Variants in KATNIP observed in about 807,000 individuals in gnomAD.
The protein encoded by KATNIP is katanin-interacting protein.
In KATNIP, 126 loss-of-function variants were observed where a neutral mutation model predicts 174.0. That is an observed-to-expected ratio of 0.72 (90% CI 0.63 to 0.84). KATNIP has a LOEUF of 0.84. Among genes scored for constraint, KATNIP ranks in the 40% least tolerant of loss-of-function variants. The probability of loss-of-function intolerance (pLI) is 0.00; values close to 1 mark genes in which losing one functional copy is unlikely to be tolerated. For synonymous variants in KATNIP, 810 were observed against 835.7 expected, an observed-to-expected ratio of 0.97 and a Z score of 0.53; for missense variants, 1,958 against 2,109.7, an observed-to-expected ratio of 0.93 and a Z score of 1.41.
chr16:27,710,275 T>G (rs1453721600), intron 13 of KATNIP, among the ~76,000 whole-genome samples: 1 of 152,064 alleles, frequency 6.6e-6, no homozygotes, highest in African/African-American at 2.4e-5. Context: ...GGAGAGTCGC[T>G]TGAACCTGGG....
chr16:27,700,801 G>T (rs2079069395), intron 10 of KATNIP, among the ~76,000 whole-genome samples: 1 of 152,222 alleles, frequency 6.6e-6, no homozygotes, highest in South Asian at 2.1e-4. Context: ...GGGTGTGCAT[G>T]TGACACCCCA....
chr16:27,681,358 T>C (rs2142810801), intron 7 of KATNIP, 41 bp from the exon 8 acceptor site: 1 of 1,612,052 alleles, frequency 6.2e-7, no homozygotes, highest in South Asian at 1.1e-5. Flanking sequence ...CCCAACTTGC[T>C]TGCGCTCAGC....
intron 3 of KATNIP, among the ~76,000 whole-genome samples, chr16:27,626,981 G>C (rs902126285): frequency 3.4e-5 from 5 of 148,670 alleles, no homozygotes; most frequent in African/African-American, 1.2e-4. Context: ...AAAAAAAAAA[G>C]TGGTTACCCT....
chr16:27,551,787 G>C (rs772922063), intron 1 of KATNIP, among the ~76,000 whole-genome samples: 45 of 152,206 alleles, frequency 3.0e-4, no homozygotes, highest in Non-Finnish European at 5.3e-4. Context: ...TGAGGCAGGA[G>C]AATCATTTGA....
At position 27,628,832 on chromosome 16, in the gene KATNIP, T is replaced by C. The variant is rs1393353896; in HGVS notation, c.310+2T>C. On this transcript the variant is annotated splice_donor_variant, in intron 4 of 27. Transcript: ENST00000261588. LOFTEE classifies it high-confidence loss of function. ...CCTCCCACACGGAGGGGACACACGG[T>C]GAGCACAGGCCCTCCAGGCTGAGTC... 3 of 1,613,956 alleles carry C rather than the reference T, an allele frequency of 1.9e-6. No homozygotes were observed. Among genetic ancestry groups the C allele is most frequent in the Non-Finnish European group, 1.7e-6 (2 of 1,179,972 alleles).
rs1461355601 is a variant in KATNIP, at chr16:27,661,961, TAC to T, written c.540+13228_540+13229del. On this transcript the variant is annotated intron_variant, in intron 6 of 27. Transcript: ENST00000261588. ...ATATATATATATATATATATACACATACATATATATATATATATATATATACA... is the reference window on the plus strand; with the variant it reads ...ATATATATATATATATATATACACATATATATATATATATATATATATACA... 3.3e-4 allele frequency among the ~76,000 whole-genome samples: 10 copies of T among 30,562 alleles called. 1 individual carries two copies. The highest frequency in any genetic ancestry group is 1.5e-3 in the African/African-American group (9 of 6,130). The allele number at this position is 30,562 out of a possible 152,430, so 20.0% of individuals were successfully genotyped here. A position where few individuals can be genotyped will look rare whatever the true frequency, so the allele number is the denominator to read the frequency against.
chr16:27,584,414 A>G (rs1283614751), intron 2 of KATNIP, among the ~76,000 whole-genome samples: 1 of 152,154 alleles, frequency 6.6e-6, no homozygotes, highest in Non-Finnish European at 1.5e-5. Flanking sequence ...CTGGTGCCAG[A>G]AAAAGGGGGA....
intron 14 of KATNIP, 52 bp from the exon 15 acceptor site, chr16:27,739,989 T>C: frequency 6.5e-7 from 1 of 1,535,012 alleles, no homozygotes. Context: ...CAAAATTTCA[T>C]ACATCAGTCT....
intron 3 of KATNIP, among the ~76,000 whole-genome samples, chr16:27,623,054 T>C (rs1458642903): frequency 6.6e-6 from 1 of 152,048 alleles, no homozygotes; most frequent in Non-Finnish European, 1.5e-5. Flanking sequence ...GCAGGCTTCT[T>C]TTTACACCCC....
At chr16:27,769,029 C>T (rs1028572468) in intron 20 of KATNIP, among the ~76,000 whole-genome samples, 1 of 152,262 alleles carries the variant, frequency 6.6e-6, no homozygotes, top group African/African-American at 2.4e-5. Context: ...GCTGGGCCGC[C>T]TCAGACTCTA....
chr16:27,668,077 G>A (rs181959942), intron 6 of KATNIP, among the ~76,000 whole-genome samples: 26 of 152,222 alleles, frequency 1.7e-4, no homozygotes, highest in Middle Eastern at 6.8e-3. Flanking sequence ...AACCTCTTAC[G>A]GGCAGGTTTA....
In KATNIP at chr16:27,749,692, G is replaced by A. The variant is rs777090605; in HGVS notation, c.2732G>A (p.Arg911Gln). The A allele has an allele frequency of 1.7e-5, 28 of 1,613,324 alleles. No individual in the cohort carries two copies. The highest frequency in any genetic ancestry group is 6.7e-5 in the East Asian group (3 of 44,872). The change falls in exon 16 of 28, where the codon CGG becomes CAG. Residue 911 changes from arginine (R) to glutamine (Q), a missense_variant. Physicochemically the swap from Arg to Gln is conservative, Grantham distance 43. Coordinates refer to ENST00000261588, the MANE Select transcript of KATNIP (RefSeq NM_015202.5). ...CTCAGTGCCTTCGACCGCTCCCACC[G>A]GGGACGCATCTCCAACACGGAGCTC... ...SSLSAFDRSH[R>Q]GRISNTELPG...
chr16:27,771,570 T>C lies in KATNIP; in HGVS notation c.4134-18T>C. 1.2e-6 allele frequency: 2 copies of C among 1,611,532 alleles called. No homozygotes were observed. The highest frequency in any genetic ancestry group is 1.7e-6 in the Non-Finnish European group (2 of 1,178,464). ...GCCGTCGTGAGCTTCTTCATGGTGC[T>C]GTTTTGTGCTTTTTCAGGCTGGACA... On this transcript the variant is annotated intron_variant, in intron 21 of 27. Coordinates refer to ENST00000261588, the MANE Select transcript of KATNIP (RefSeq NM_015202.5).
intron 13 of KATNIP, among the ~76,000 whole-genome samples, chr16:27,713,809 C>CATATGT (rs2079766757): frequency 3.0e-5 from 1 of 33,346 alleles, no homozygotes; most frequent in Non-Finnish European, 6.2e-5. Context: ...TGTGTATATA[C>CATATGT]ATATATATAT....
chr16:27,581,616 G>T (rs981858940), intron 2 of KATNIP, among the ~76,000 whole-genome samples: 1 of 152,098 alleles, frequency 6.6e-6, no homozygotes, highest in Non-Finnish European at 1.5e-5. Context: ...CATAGGTTTG[G>T]GGGGAACCGG....
chr16:27,752,879 A>C (rs1393541007), intron 17 of KATNIP, among the ~76,000 whole-genome samples: 7 of 152,242 alleles, frequency 4.6e-5, no homozygotes, highest in Admixed American at 4.6e-4. Flanking sequence ...TTAAAATGAA[A>C]GATGACCTTC....
chr16:27,671,637 G>A (rs1034241128), intron 6 of KATNIP, among the ~76,000 whole-genome samples: 2 of 152,160 alleles, frequency 1.3e-5, no homozygotes, highest in African/African-American at 4.8e-5. Context: ...CCTCCTCCCT[G>A]TCCCCACCTC....
intron 12 of KATNIP, among the ~76,000 whole-genome samples, chr16:27,705,375 G>A (rs1231074032): frequency 6.6e-6 from 1 of 152,166 alleles, no homozygotes; most frequent in African/African-American, 2.4e-5. Flanking sequence ...AAAATCCTAT[G>A]AGAGCAGAAA....
chr16:27,724,691 C>T (rs1282426619), intron 14 of KATNIP, among the ~76,000 whole-genome samples: 1 of 152,164 alleles, frequency 6.6e-6, no homozygotes, highest in African/African-American at 2.4e-5. Flanking sequence ...AGCAGAAAAG[C>T]GCAAACAAAT....
Sources: gnomAD v4.1 joint callset for allele counts (sites outside exome capture counted in the v4.1 genomes callset) on GRCh38, gnomAD v4.1.1 for gene constraint, MANE v1.5 for transcripts, NCBI Gene and HGNC (gene_info 2026-07-23, HGNC 2026-07-21) for gene names.